The following RAD21L1 variants were observed in gnomAD, a reference collection of about 807,000 sequenced individuals.
RAD21L1 encodes RAD21 cohesin complex component like 1.
In RAD21L1, 47 loss-of-function variants were observed where a neutral mutation model predicts 69.0. The observed-to-expected ratio is 0.68, with a 90% CI of 0.54 to 0.87. RAD21L1 has a LOEUF of 0.87. RAD21L1 is among the 40% of genes least tolerant of loss of function. The pLI is 0.00. For missense variants in RAD21L1, 583 were observed against 647.6 expected (o/e 0.90, Z 1.08); for synonymous variants, 177 against 205.8 (o/e 0.86, Z 1.20).
Position 1,255,551 on chromosome 20 carries a change from G to A in RAD21L1, c.*1094G>A, listed in dbSNP as rs2087918258. Among the ~76,000 whole-genome samples, 1 of 152,068 alleles carries A rather than the reference G, an allele frequency of 6.6e-6. No homozygotes were observed. Among genetic ancestry groups the A allele is most frequent in the Non-Finnish European group, 1.5e-5 (1 of 68,010 alleles). On this transcript the variant is annotated 3_prime_UTR_variant, in exon 14 of 14. Coordinates refer to ENST00000683101, the MANE Select transcript of RAD21L1 (RefSeq NM_001384355.1). ...ATGTGTTAACTATAAATTTTAAATGGCAAAATTGCCTTTTTAAAATTTCTT... is the reference window on the plus strand; with the variant it reads ...ATGTGTTAACTATAAATTTTAAATGACAAAATTGCCTTTTTAAAATTTCTT...
chr20:1,252,865 C>A (rs1327396893), intron 13 of RAD21L1, among the ~76,000 whole-genome samples: 3 of 152,182 alleles, frequency 2.0e-5, no homozygotes, highest in African/African-American at 7.2e-5. Flanking sequence ...GTTATGTCTT[C>A]CACTTTCTTT....
Position 1,228,435 on chromosome 20 carries a change from A to G in RAD21L1, c.-19A>G, listed in dbSNP as rs1568513658. On this transcript the variant is annotated 5_prime_UTR_variant, in exon 2 of 14. Coordinates refer to ENST00000683101, the MANE Select transcript of RAD21L1 (RefSeq NM_001384355.1). ...TGTTCTCTCTAGTTTGTTAAATACA[A>G]GTAAGGAACACAGGCAACATGTTCT... 1.4e-6 allele frequency: 2 copies of G among 1,464,170 alleles called. No individual in the cohort carries two copies. The highest frequency in any genetic ancestry group is 5.3e-5 in the East Asian group (2 of 37,454). The allele number at this position is 1,464,170 out of a possible 1,614,324, so 90.7% of individuals were successfully genotyped here.
Position 1,228,534 on chromosome 20 carries a change from C to A in RAD21L1, c.81C>A (p.Leu27=). ...IWLAAHWEKK[L]TKAHVFECNL... is the part of the protein sequence containing the mutation. ...TTGCAGCTCACTGGGAGAAGAAACT[C>A]ACAAAGGCCCATGTATTTGAATGTA... The change falls in exon 2 of 14, where the codon CTC becomes CTA. Residue 27 remains leucine (L), a synonymous_variant. Coordinates refer to ENST00000683101, the MANE Select transcript of RAD21L1 (RefSeq NM_001384355.1). 6.5e-7 allele frequency: 1 copy of A among 1,550,336 alleles called. No individual in the cohort carries two copies. The highest frequency in any genetic ancestry group is 1.2e-5 in the South Asian group (1 of 83,910).
chr20:1,226,544 G>A (rs1372709185), intron 1 of RAD21L1: 3 of 152,448 alleles, frequency 2.0e-5, no homozygotes, highest in Admixed American at 1.3e-4. Flanking sequence ...GCCCTGCCCG[G>A]CTCAGCCCTC....
intron 11 of RAD21L1, among the ~76,000 whole-genome samples, chr20:1,244,731 T>G (rs891198031): frequency 6.6e-6 from 1 of 152,182 alleles, no homozygotes; most frequent in Non-Finnish European, 1.5e-5. Flanking sequence ...AAATATTTTC[T>G]CAGTTGTTAT....
At chr20:1,244,664 A>G (rs2087684672) in intron 11 of RAD21L1, among the ~76,000 whole-genome samples, 1 of 152,198 alleles carries the variant, frequency 6.6e-6, no homozygotes, top group African/African-American at 2.4e-5. Flanking sequence ...TTAAGATATA[A>G]TTTTTTATTT....
intron 7 of RAD21L1, 26 bp from the exon 8 acceptor site, chr20:1,240,295 A>G (rs1260008612): frequency 4.6e-6 from 7 of 1,514,474 alleles, no homozygotes; most frequent in Admixed American, 2.4e-5. Flanking sequence ...TTTTTTTACA[A>G]TTACTTTTAT....
intron 4 of RAD21L1, among the ~76,000 whole-genome samples, chr20:1,233,199 G>C (rs967034576): frequency 6.6e-6 from 1 of 152,142 alleles, no homozygotes; most frequent in Non-Finnish European, 1.5e-5. Context: ...GACTCTCCGG[G>C]TCTGAAATTC....
At chr20:1,236,969 C>G (rs2087506890) in intron 5 of RAD21L1, among the ~76,000 whole-genome samples, 1 of 152,176 alleles carries the variant, frequency 6.6e-6, no homozygotes, top group Non-Finnish European at 1.5e-5. Context: ...TCAAGCTGTA[C>G]CTAGATGATA....
chr20:1,248,777 A>G (rs2087768686), intron 13 of RAD21L1, 74 bp downstream of exon 13: 3 of 842,356 alleles, frequency 3.6e-6, no homozygotes, highest in Admixed American at 3.2e-5. Flanking sequence ...GCTTCCATAT[A>G]TTAATGAAAA....
At chr20:1,242,929 C>CAGA in intron 9 of RAD21L1, 84 bp downstream of exon 9, 1 of 981,766 alleles carries the variant, frequency 1.0e-6, no homozygotes, top group African/African-American at 1.6e-5. Context: ...TATTTACATA[C>CAGA]ATATATAACA....
chr20:1,229,864 C>T lies in RAD21L1; in HGVS notation c.145-16C>T. The T allele has an allele frequency of 6.5e-7, 1 of 1,533,822 alleles. No homozygotes were observed. Among genetic ancestry groups the T allele is most frequent in the Non-Finnish European group, 8.8e-7 (1 of 1,133,632 alleles). ...CCTAATCTTTACTCTTCTAATACTT[C>T]AAAAATTATTGAAAGGTGAAAATAG... On this transcript the variant is annotated splice_polypyrimidine_tract_variant and intron_variant, in intron 2 of 13. Transcript: ENST00000683101.
chr20:1,227,626 C>T (rs929419160), intron 1 of RAD21L1, among the ~76,000 whole-genome samples: 2 of 152,206 alleles, frequency 1.3e-5, no homozygotes, highest in Non-Finnish European at 2.9e-5. Flanking sequence ...AACCAAAGTG[C>T]TATAACATCC....
chr20:1,237,995 A>C (rs1568519713), intron 5 of RAD21L1, 49 bp from the exon 6 acceptor site: 1 of 1,050,982 alleles, frequency 9.5e-7, no homozygotes, highest in South Asian at 2.2e-5. Context: ...TTCTAACCCT[A>C]TAATTCTGTG....
chr20:1,251,134 G>A (rs925841357), intron 13 of RAD21L1, among the ~76,000 whole-genome samples: 2 of 152,156 alleles, frequency 1.3e-5, no homozygotes, highest in African/African-American at 4.8e-5. Flanking sequence ...CAGCGTGAGC[G>A]TTTCTTTTAC....
At chr20:1,242,563 A>T in intron 8 of RAD21L1, 56 bp from the exon 9 acceptor site, 9 of 1,343,030 alleles carry the variant, frequency 6.7e-6, no homozygotes, top group Non-Finnish European at 9.4e-6. Flanking sequence ...AGTGCCTACA[A>T]TATGATTTTA....
intron 5 of RAD21L1, among the ~76,000 whole-genome samples, chr20:1,234,933 G>A (rs2087464360): frequency 6.6e-6 from 1 of 152,100 alleles, no homozygotes; most frequent in Non-Finnish European, 1.5e-5. Context: ...TGTAAAGACA[G>A]GGTCTTGCTA....
chr20:1,233,649 C>T (rs545435338), intron 4 of RAD21L1, among the ~76,000 whole-genome samples: 8 of 152,278 alleles, frequency 5.3e-5, no homozygotes, highest in Non-Finnish European at 7.4e-5. Context: ...ACCTTCTCAC[C>T]GTATTCTCAC....
intron 3 of RAD21L1, chr20:1,230,636 A>G (rs2087370139): frequency 3.0e-6 from 1 of 328,054 alleles, no homozygotes; most frequent in South Asian, 1.2e-4. Flanking sequence ...TATTTTCTGA[A>G]TCTCTTATAA....
Sources: allele counts gnomAD v4.1 joint callset (sites outside exome capture counted in the v4.1 genomes callset), GRCh38; gene constraint gnomAD v4.1.1; transcripts MANE v1.5; gene names NCBI Gene and HGNC (gene_info 2026-07-23, HGNC 2026-07-21).